Variants in NKX3-2 observed in about 807,000 individuals in gnomAD.
The protein encoded by NKX3-2 is homeobox protein Nkx-3.2.
Under a neutral mutation model 19.4 loss-of-function variants are expected in NKX3-2, and 13 were observed. The ratio of observed to expected loss-of-function variants is 0.67; its 90% CI spans 0.44 to 1.07. The LOEUF is 1.07. Among genes scored for constraint, NKX3-2 ranks in the 50% least tolerant of loss-of-function variants. The pLI is 0.00. For synonymous variants in NKX3-2, 269 were observed against 230.5 expected, an observed-to-expected ratio of 1.17 and a Z score of -1.51; for missense variants, 562 against 488.2, an observed-to-expected ratio of 1.15 and a Z score of -1.42.
At position 13,544,183 on chromosome 4, in the gene NKX3-2, T is replaced by C. The variant is rs547806067; in HGVS notation, c.232A>G (p.Arg78Gly). ...DSLLASPAGT[R>G]TAAGRTAESP... ...TCCGCAGTCCGCCCCGCAGCTGTTCTGGTACCGGCAGGAGACGCCAGCAGA... is the reference window on the plus strand; with the variant it reads ...TCCGCAGTCCGCCCCGCAGCTGTTCCGGTACCGGCAGGAGACGCCAGCAGA... The change falls in exon 1 of 2, where the codon AGA becomes GGA. Residue 78 changes from arginine to glycine, a missense_variant. Arg to Gly is a moderately radical substitution (Grantham distance 125). Coordinates refer to ENST00000382438, the MANE Select transcript of NKX3-2 (RefSeq NM_001189.4). 3 of 1,603,738 alleles carry C rather than the reference T, an allele frequency of 1.9e-6. No individual in the cohort carries two copies. In the East Asian group the frequency reaches 6.7e-5, roughly 36 times the overall value.
Position 13,541,243 on chromosome 4 carries a change from T to G in NKX3-2, c.*750A>C, listed in dbSNP as rs1335663748. On this transcript the variant is annotated 3_prime_UTR_variant, in exon 2 of 2. Coordinates refer to ENST00000382438, the MANE Select transcript of NKX3-2 (RefSeq NM_001189.4). The stretch of plus-strand genomic sequence containing the variant: ...GTTTCCGCAGAGGGCTGCCTGGGTG[T>G]GCGCTCTCCTCCTTCCGGGACTCCC... 1 of 152,260 alleles carries G rather than the reference T, an allele frequency of 6.6e-6. No homozygotes were observed. The highest frequency in any genetic ancestry group is 2.4e-5 in the African/African-American group (1 of 41,446). 9.4% of individuals were successfully genotyped at this position (152,260 alleles called of 1,614,324 possible). A position where few individuals can be genotyped will look rare whatever the true frequency, so the allele number is the denominator to read the frequency against.
Position 13,544,492 on chromosome 4 carries a change from G to C in NKX3-2, c.-78C>G, listed in dbSNP as rs2109006022. On this transcript the variant is annotated 5_prime_UTR_variant, in exon 1 of 2. Transcript: ENST00000382438. ...GCTCCGAGCGGGACAGAGAGCGCCG[G>C]CGGCCGCAGCGCGAGTGAGCTGGGT... is the stretch of plus-strand genomic sequence containing the variant. 9.2e-7 allele frequency: 1 copy of C among 1,088,808 alleles called. No individual in the cohort carries two copies. The highest frequency in any genetic ancestry group is 4.3e-5 in the Admixed American group (1 of 23,028). The allele number at this position is 1,088,808 out of a possible 1,614,324, so 67.4% of individuals were successfully genotyped here.
In NKX3-2 at chr4:13,542,961, G is replaced by T. The variant is rs1225877717; in HGVS notation, c.467-433C>A. Among the ~76,000 whole-genome samples the T allele has an allele frequency of 1.3e-5, 2 of 152,036 alleles. No homozygotes were observed. The highest frequency in any genetic ancestry group is 2.4e-5 in the African/African-American group (1 of 41,498). On this transcript the variant is annotated intron_variant, in intron 1 of 1. Transcript: ENST00000382438. The surrounding 1 kb of genome is among the most constrained non-coding windows in gnomAD (Gnocchi z 6.4). ...TTAGTTCACACGCACACACGCGCGC[G>T]TCCTCGCAGCACACACTTGTCTGGT...
In NKX3-2 at chr4:13,544,102, G is replaced by T. The variant is rs780614525; in HGVS notation, c.313C>A (p.Arg105=). ...GCCCCCCGCGCGTCCGCGCAGCGCCGCCTGCTCTCGTTCTCCTCGCTGAGC... is the reference window on the plus strand; with the variant it reads ...GCCCCCCGCGCGTCCGCGCAGCGCCTCCTGCTCTCGTTCTCCTCGCTGAGC... ...SALSEENESR[R]RCADARGASG... is the part of the protein sequence containing the mutation. The change falls in exon 1 of 2, where the codon CGG becomes AGG. Residue 105 remains arginine (R), a synonymous_variant. Coordinates refer to ENST00000382438, the MANE Select transcript of NKX3-2 (RefSeq NM_001189.4). 2 of 1,593,930 alleles carry T rather than the reference G, an allele frequency of 1.3e-6. No homozygotes were observed. The highest frequency in any genetic ancestry group is 2.7e-5 in the African/African-American group (2 of 73,724).
chr4:13,544,644 A>C, upstream of NKX3-2: 5 of 293,490 alleles, frequency 1.7e-5, no homozygotes, highest in East Asian at 6.0e-5. Flanking sequence ...CTCCCCCCGA[A>C]TCCAGAGCCA....
chr4:13,547,021 A>G (rs1456205362), upstream of NKX3-2: 2 of 456,250 alleles, frequency 4.4e-6, no homozygotes, highest in Non-Finnish European at 8.8e-6. Flanking sequence ...CGCTTAGTCG[A>G]TCATTAGGTC....
chr4:13,542,218 G>A lies in NKX3-2; in HGVS notation c.777C>T (p.Tyr259=). 6.2e-7 allele frequency: 1 copy of A among 1,611,506 alleles called. No homozygotes were observed. Among genetic ancestry groups the A allele is most frequent in the Non-Finnish European group, 8.5e-7 (1 of 1,179,154 alleles). Residue 259 remains tyrosine, a synonymous_variant, in exon 2 of 2, where the codon TAC becomes TAT. Transcript: ENST00000382438. This position sits in a 1 kb window ranked among gnomAD's most constrained non-coding sequence, Gnocchi z 6.4. ...QVKIWFQNRR[Y]KTKRRQMAAD... Reference sequence around the variant, plus strand: ...CTGCCATCTGCCGGCGCTTTGTCTTGTAGCGACGGTTCTGGAACCAGATTT... The same window carrying A: ...CTGCCATCTGCCGGCGCTTTGTCTTATAGCGACGGTTCTGGAACCAGATTT...
At chr4:13,545,660 G>T (rs1012232599), upstream of NKX3-2, among the ~76,000 whole-genome samples, 2 of 151,964 alleles carry the variant, frequency 1.3e-5, no homozygotes, top group African/African-American at 4.8e-5. Flanking sequence ...GAGAATTTCT[G>T]TAAATTTTAT....
In NKX3-2 at chr4:13,543,391, C is replaced by T. The variant is rs1718036830; in HGVS notation, c.466+558G>A. Among the ~76,000 whole-genome samples the T allele has an allele frequency of 6.6e-6, 1 of 152,210 alleles. No homozygotes were observed. The highest frequency in any genetic ancestry group is 6.5e-5 in the Admixed American group (1 of 15,290). On this transcript the variant is annotated intron_variant, in intron 1 of 1. Coordinates refer to ENST00000382438, the MANE Select transcript of NKX3-2 (RefSeq NM_001189.4). This position sits in a 1 kb window ranked among gnomAD's most constrained non-coding sequence, Gnocchi z 7.1. ...GGGATCTTCGGCCTAGGGCTGCTCT[C>T]CCAGACCTGGGGTCTGAGAAAGCCA...
rs1385541680 is a variant in NKX3-2, at chr4:13,544,297, C to G, written c.118G>C (p.Ala40Pro). ...GCGGGAGCCGCGGCCACCGATGCCGCTGTGCCCCCGGGCGCCGGGCGCCCC... is the reference window on the plus strand; with the variant it reads ...GCGGGAGCCGCGGCCACCGATGCCGGTGTGCCCCCGGGCGCCGGGCGCCCC... ...PEGRPAPGGT[A>P]ASVAAAPAVC... Residue 40 changes from alanine (A) to proline (P), a missense_variant, in exon 1 of 2, where the codon GCG becomes CCG. Physicochemically the swap from Ala to Pro is conservative, Grantham distance 27. Transcript: ENST00000382438. 1.3e-6 allele frequency: 2 copies of G among 1,538,632 alleles called. No individual in the cohort carries two copies. The highest frequency in any genetic ancestry group is 1.2e-5 in the South Asian group (1 of 84,138).
chr4:13,542,638 C>T lies in NKX3-2; in HGVS notation c.467-110G>A, dbSNP rs1718019460. ...GAGTGGGGCGGAAATACACTTTGAT[C>T]CCACTCAAGCGGAGCGGAGGTCTGG... is the stretch of plus-strand genomic sequence containing the variant. On this transcript the variant is annotated intron_variant, in intron 1 of 1. Coordinates refer to ENST00000382438, the MANE Select transcript of NKX3-2 (RefSeq NM_001189.4). The surrounding 1 kb of genome is among the most constrained non-coding windows in gnomAD (Gnocchi z 6.4). The T allele has an allele frequency of 7.1e-7, 1 of 1,399,248 alleles. No homozygotes were observed. Among genetic ancestry groups the T allele is most frequent in the East Asian group, 2.3e-5 (1 of 43,280 alleles). The allele number at this position is 1,399,248 out of a possible 1,614,324, so 86.7% of individuals were successfully genotyped here. A position where few individuals can be genotyped will look rare whatever the true frequency, so the allele number is the denominator to read the frequency against.
Position 13,541,963 on chromosome 4 carries a change from G to C in NKX3-2, c.*30C>G. 6.4e-7 allele frequency: 1 copy of C among 1,559,042 alleles called. No individual in the cohort carries two copies. The highest frequency in any genetic ancestry group is 1.2e-5 in the South Asian group (1 of 84,574). The stretch of plus-strand genomic sequence containing the variant: ...GCGCCGGTCCGGAGCCGGAGCGCGG[G>C]AATCACTCGCTGCCTCAGCCCAAGC... On this transcript the variant is annotated 3_prime_UTR_variant, in exon 2 of 2. Transcript: ENST00000382438.
rs1463069265 is a variant in NKX3-2 at position 13,544,198 on chromosome 4, A to T, written c.217T>A (p.Ser73Thr). Reference sequence around the variant, plus strand: ...GCAGCTGTTCTGGTACCGGCAGGAGACGCCAGCAGAGAGTCCTCGGCGCCC... The same window carrying T: ...GCAGCTGTTCTGGTACCGGCAGGAGTCGCCAGCAGAGAGTCCTCGGCGCCC... The part of the protein sequence containing the change: ...LGGAEDSLLA[S>T]PAGTRTAAGR... The change falls in exon 1 of 2, where the codon TCT becomes ACT. Residue 73 changes from serine to threonine, a missense_variant. Ser to Thr is a moderately conservative substitution (Grantham distance 58). Transcript: ENST00000382438. The T allele has an allele frequency of 1.2e-6, 2 of 1,600,658 alleles. No individual in the cohort carries two copies. Among genetic ancestry groups the T allele is most frequent in the Non-Finnish European group, 1.7e-6 (2 of 1,178,532 alleles).
chr4:13,542,246 A>T lies in NKX3-2; in HGVS notation c.749T>A (p.Val250Glu). 6.2e-7 allele frequency: 1 copy of T among 1,607,232 alleles called. No individual in the cohort carries two copies. Among genetic ancestry groups the T allele is most frequent in the Non-Finnish European group, 8.5e-7 (1 of 1,177,788 alleles). Reference protein sequence around the residue: ...AASLKLTETQVKIWFQNRRYK... With the variant: ...AASLKLTETQEKIWFQNRRYK... ...GCGACGGTTCTGGAACCAGATTTTCACCTGCGTCTCGGTGAGCTTCAGCGA... is the reference window on the plus strand; with the variant it reads ...GCGACGGTTCTGGAACCAGATTTTCTCCTGCGTCTCGGTGAGCTTCAGCGA... Residue 250 changes from valine to glutamate, a missense_variant, in exon 2 of 2, where the codon GTG becomes GAG. Val to Glu is a moderately radical substitution (Grantham distance 121). Transcript: ENST00000382438. The surrounding 1 kb of genome is among the most constrained non-coding windows in gnomAD (Gnocchi z 6.4).
chr4:13,543,824 C>T lies in NKX3-2; in HGVS notation c.466+125G>A. The T allele has an allele frequency of 3.4e-6, 3 of 887,992 alleles. No homozygotes were observed. Among genetic ancestry groups the T allele is most frequent in the South Asian group, 3.9e-5 (2 of 51,800 alleles). The allele number at this position is 887,992 out of a possible 1,614,324, so 55.0% of individuals were successfully genotyped here. A position where few individuals can be genotyped will look rare whatever the true frequency, so the allele number is the denominator to read the frequency against. On this transcript the variant is annotated intron_variant, in intron 1 of 1. Transcript: ENST00000382438. The surrounding 1 kb of genome is among the most constrained non-coding windows in gnomAD (Gnocchi z 7.1). ...CAGCTCGCGCCAGAGCGCAGAACTT[C>T]GGGATTTGGCCAGCCTCCGAGCCCC...
Position 13,542,846 on chromosome 4 carries a change from C to T in NKX3-2, c.467-318G>A, listed in dbSNP as rs1054864315. ...ACTTGGGGCACTCGACCCGAGCATC[C>T]GCGAAAGCCCTCCCGGCTCTCAGCG... On this transcript the variant is annotated intron_variant, in intron 1 of 1. Transcript: ENST00000382438. This position sits in a 1 kb window ranked among gnomAD's most constrained non-coding sequence, Gnocchi z 6.4. 2.6e-5 allele frequency among the ~76,000 whole-genome samples: 4 copies of T among 152,116 alleles called. No homozygotes were observed. The highest frequency in any genetic ancestry group is 5.9e-5 in the Non-Finnish European group (4 of 68,002).
At position 13,544,377 on chromosome 4, in the gene NKX3-2, G is replaced by A. The variant is rs1470712007; in HGVS notation, c.38C>T (p.Ser13Phe). The change falls in exon 1 of 2, where the codon TCC (serine) becomes TTC (phenylalanine). Residue 13 changes from serine to phenylalanine, a missense_variant. By Grantham distance (155) the Ser-to-Phe change is radical. Coordinates refer to ENST00000382438, the MANE Select transcript of NKX3-2 (RefSeq NM_001189.4). Reference sequence around the variant, plus strand: ...TTTCTTGTTGAGGATCGCCTGGATGGAGAAGGACGTCAAGGTGTTGGCGCC... The same window carrying A: ...TTTCTTGTTGAGGATCGCCTGGATGAAGAAGGACGTCAAGGTGTTGGCGCC... The part of the protein sequence containing the change: ...VRGANTLTSF[S>F]IQAILNKKEE... 10 of 1,551,386 alleles carry A rather than the reference G, an allele frequency of 6.4e-6. No homozygotes were observed. The highest frequency in any genetic ancestry group is 8.6e-6 in the Non-Finnish European group (10 of 1,158,350).
Position 13,543,879 on chromosome 4 carries a change from C to A in NKX3-2, c.466+70G>T. On this transcript the variant is annotated intron_variant, in intron 1 of 1. Coordinates refer to ENST00000382438, the MANE Select transcript of NKX3-2 (RefSeq NM_001189.4). This position sits in a 1 kb window ranked among gnomAD's most constrained non-coding sequence, Gnocchi z 7.1. ...CGCAGGGTGCTCAAGCCGACCACCC[C>A]ACTCGGCGTGGTTGCCCTCCGCGTC... The A allele has an allele frequency of 1.5e-6, 2 of 1,358,310 alleles. No homozygotes were observed. Among genetic ancestry groups the A allele is most frequent in the South Asian group, 3.0e-5 (2 of 66,822 alleles). The allele number at this position is 1,358,310 out of a possible 1,614,324, so 84.1% of individuals were successfully genotyped here. A position where few individuals can be genotyped will look rare whatever the true frequency, so the allele number is the denominator to read the frequency against.
chr4:13,547,522 C>A (rs1224077804), upstream of NKX3-2: 2 of 228,988 alleles, frequency 8.7e-6, no homozygotes, highest in Admixed American at 6.1e-5. Flanking sequence ...GCCCACGGGC[C>A]CATTTTTTCC....
Sources: allele counts gnomAD v4.1 joint callset (sites outside exome capture counted in the v4.1 genomes callset), GRCh38; gene constraint gnomAD v4.1.1; non-coding constraint Gnocchi (gnomAD v3.1); transcripts MANE v1.5; gene names NCBI Gene and HGNC (gene_info 2026-07-23, HGNC 2026-07-21).